Variants in PLCB1 observed in about 807,000 individuals in gnomAD.
PLCB1 encodes the protein 1-phosphatidylinositol 4,5-bisphosphate phosphodiesterase beta-1.
Under a neutral mutation model 161.8 loss-of-function variants are expected in PLCB1, and 46 were observed. That is an observed-to-expected ratio of 0.28 (90% CI 0.22 to 0.36). The LOEUF is 0.36. Ranked by LOEUF, PLCB1 falls within the 10% of genes least tolerant of loss-of-function variation. The probability of loss-of-function intolerance (pLI) is 1.00; values close to 1 mark genes in which losing one functional copy is unlikely to be tolerated. For missense variants in PLCB1, 1,016 were observed against 1,472.5 expected (o/e 0.69, Z 5.07); for synonymous variants, 517 against 503.7 (o/e 1.03, Z -0.35).
chr20:8,609,048 C>T (rs1400684461), intron 3 of PLCB1, among the ~76,000 whole-genome samples: 2 of 152,162 alleles, frequency 1.3e-5, no homozygotes, highest in African/African-American at 4.8e-5. Flanking sequence ...ATGCCCTTCT[C>T]TTATTCCCTG....
chr20:8,775,032 T>C (rs573355274), intron 27 of PLCB1, among the ~76,000 whole-genome samples: 8 of 152,226 alleles, frequency 5.3e-5, no homozygotes, highest in African/African-American at 1.9e-4. Context: ...AACACTTATC[T>C]TTGTTTAAGA....
At position 8,794,667 on chromosome 20, in the gene PLCB1, T is replaced by C. The variant is rs1416940452; in HGVS notation, c.3423+4406T>C. 5.3e-5 allele frequency among the ~76,000 whole-genome samples: 8 copies of C among 152,226 alleles called. No homozygotes were observed. In the East Asian group the frequency reaches 1.5e-3, roughly 29 times the overall value. ...TGTGTTTCATGTTCCTAATCTTGTC[T>C]TAACAGGGAGGAAGCTCTTTTTTTA... On this transcript the variant is annotated intron_variant, in intron 31 of 31. Transcript: ENST00000338037.
chr20:8,394,858 G>GT (rs1987717707), intron 3 of PLCB1, among the ~76,000 whole-genome samples: 1 of 151,952 alleles, frequency 6.6e-6, no homozygotes, highest in South Asian at 2.1e-4. Context: ...ACTTTTAATG[G>GT]TATCTTTAAC....
At chr20:8,662,846 A>C (rs527749741) in intron 9 of PLCB1, among the ~76,000 whole-genome samples, 1 of 152,042 alleles carries the variant, frequency 6.6e-6, no homozygotes, top group East Asian at 1.9e-4. Context: ...TTCATGGAAG[A>C]GATAACATTT....
intron 2 of PLCB1, among the ~76,000 whole-genome samples, chr20:8,330,642 A>T (rs1985331793): frequency 6.6e-6 from 1 of 152,134 alleles, no homozygotes; most frequent in South Asian, 2.1e-4. Flanking sequence ...CAGGATTCCT[A>T]TTTTCTTGAT....
intron 9 of PLCB1, among the ~76,000 whole-genome samples, chr20:8,661,320 T>TGTACA (rs1260528429): frequency 2.6e-5 from 4 of 152,144 alleles, no homozygotes; most frequent in Non-Finnish European, 4.4e-5. Context: ...TAGTGGTCTC[T>TGTACA]GTACAGAAAA....
chr20:8,399,048 A>C (rs777475816), intron 3 of PLCB1, among the ~76,000 whole-genome samples: 2 of 146,392 alleles, frequency 1.4e-5, no homozygotes, highest in Admixed American at 1.4e-4. Context: ...GTCTTTATTC[A>C]TGCCTAGTTT....
intron 2 of PLCB1, among the ~76,000 whole-genome samples, chr20:8,260,884 C>T (rs1408454452): frequency 6.6e-6 from 1 of 152,162 alleles, no homozygotes; most frequent in East Asian, 1.9e-4. Context: ...CCTGGGCTGA[C>T]AGGAGTCCCC....
At position 8,304,651 on chromosome 20, in the gene PLCB1, T is replaced by G. The variant is rs1248638446; in HGVS notation, c.178-66731T>G. 2.6e-5 allele frequency among the ~76,000 whole-genome samples: 4 copies of G among 151,912 alleles called. No homozygotes were observed. The East Asian group carries it at 5.8e-4, about 22-fold the overall frequency. ...TGAGAGTGCTTTGTGTGTGTGTGTG[T>G]GGGTGTGTCCACTTGCTCTTATGTA... On this transcript the variant is annotated intron_variant, in intron 2 of 31. Coordinates refer to ENST00000338037, the MANE Select transcript of PLCB1 (RefSeq NM_015192.4).
chr20:8,860,818 A>C (rs1987230390), intron 31 of PLCB1, among the ~76,000 whole-genome samples: 1 of 152,246 alleles, frequency 6.6e-6, no homozygotes, highest in Non-Finnish European at 1.5e-5. Flanking sequence ...ATCATTAATT[A>C]GTTTTCAAAC....
chr20:8,325,651 G>A (rs1299290614), intron 2 of PLCB1, among the ~76,000 whole-genome samples: 2 of 152,186 alleles, frequency 1.3e-5, no homozygotes, highest in East Asian at 3.8e-4. Context: ...GGAAGGTTAA[G>A]TGACACGTGT....
rs529958654 is a variant in PLCB1, at chr20:8,785,881, C to G, written c.3112-2568C>G. 3.3e-5 allele frequency among the ~76,000 whole-genome samples: 5 copies of G among 152,202 alleles called. No individual in the cohort carries two copies. In the East Asian group the frequency reaches 9.7e-4, roughly 29 times the overall value. On this transcript the variant is annotated intron_variant, in intron 27 of 31. Transcript: ENST00000338037. ...AATGATAGAGATGAGGACATGGAAA[C>G]AGGAATATAATTGTTACTGAATTCA...
At chr20:8,828,592 A>G (rs1044147257) in intron 31 of PLCB1, among the ~76,000 whole-genome samples, 2 of 152,194 alleles carry the variant, frequency 1.3e-5, no homozygotes, top group Admixed American at 6.5e-5. Flanking sequence ...CAAGAACTTC[A>G]TTAAGTCATT....
intron 2 of PLCB1, among the ~76,000 whole-genome samples, chr20:8,206,166 G>A (rs529307055): frequency 6.6e-6 from 1 of 152,320 alleles, no homozygotes; most frequent in East Asian, 1.9e-4. Flanking sequence ...ACACATTTGT[G>A]TGTGCTCTTT....
intron 2 of PLCB1, among the ~76,000 whole-genome samples, chr20:8,324,059 T>G (rs1985034689): frequency 6.6e-6 from 1 of 152,176 alleles, no homozygotes; most frequent in African/African-American, 2.4e-5. Context: ...GCTTTTTCAC[T>G]GAATTAAACT....
intron 3 of PLCB1, among the ~76,000 whole-genome samples, chr20:8,515,490 A>G (rs1337390545): frequency 6.6e-6 from 1 of 152,124 alleles, no homozygotes; most frequent in Admixed American, 6.5e-5. Flanking sequence ...CTGCTTTCCT[A>G]TATCCCATAC....
intron 3 of PLCB1, among the ~76,000 whole-genome samples, chr20:8,586,952 G>A (rs2034285612): frequency 6.6e-6 from 1 of 152,072 alleles, no homozygotes; most frequent in South Asian, 2.1e-4. Flanking sequence ...TCGCATTTTA[G>A]TTTAAAAAGT....
chr20:8,509,155 A>G (rs747433145), intron 3 of PLCB1, among the ~76,000 whole-genome samples: 1 of 152,192 alleles, frequency 6.6e-6, no homozygotes, highest in Non-Finnish European at 1.5e-5. Flanking sequence ...ACCTGTTTGA[A>G]GTAGTAGCAA....
chr20:8,238,594 A>G (rs1304654821), intron 2 of PLCB1, among the ~76,000 whole-genome samples: 5 of 151,992 alleles, frequency 3.3e-5, no homozygotes, highest in Admixed American at 1.3e-4. Context: ...ATACAAAGTG[A>G]GGAACAAGAC....
Sources: allele counts gnomAD v4.1 joint callset (sites outside exome capture counted in the v4.1 genomes callset), GRCh38; gene constraint gnomAD v4.1.1; transcripts MANE v1.5; gene names NCBI Gene and HGNC (gene_info 2026-07-23, HGNC 2026-07-21).